Variants in ZNF565 observed in about 807,000 individuals in gnomAD.
The protein encoded by ZNF565 is zinc finger protein 565.
In ZNF565, 27 loss-of-function variants were observed where a neutral mutation model predicts 39.4. That is an observed-to-expected ratio of 0.69 (90% CI 0.51 to 0.95). The LOEUF (loss-of-function observed/expected upper bound fraction) is 0.95, where lower values mean the gene tolerates loss of function less well. ZNF565 is among the 40% of genes least tolerant of loss of function. The pLI, the probability that ZNF565 is intolerant of heterozygous loss-of-function variation, is 0.00. For missense variants in ZNF565, 524 were observed against 621.1 expected (o/e 0.84, Z 1.66); for synonymous variants, 185 against 216.6 (o/e 0.85, Z 1.28).
At chr19:36,243,655 G>A (rs2972536) in intron 1 of ZNF565, among the ~76,000 whole-genome samples, 100,019 of 151,740 alleles carry the variant, frequency 0.66, 33,010 homozygotes, top group Middle Eastern at 0.73. Context: ...CTTCCTTCCA[G>A]CCAGAGGAGT....
At chr19:36,240,440 AAC>A (rs1056264619) in intron 1 of ZNF565, among the ~76,000 whole-genome samples, 33 of 152,310 alleles carry the variant, frequency 2.2e-4, no homozygotes, top group East Asian at 1.4e-3. Context: ...CAGGAGGAAA[AAC>A]ACAGGGATGG....
chr19:36,231,018 T>C (rs1977336135), intron 1 of ZNF565, among the ~76,000 whole-genome samples: 1 of 152,052 alleles, frequency 6.6e-6, no homozygotes, highest in South Asian at 2.1e-4. Flanking sequence ...CTAGGGCTTA[T>C]ATGTATATAT....
At position 36,195,018 on chromosome 19, in the gene ZNF565, C is replaced by T; in HGVS notation, c.136+12G>A. 1 of 1,614,096 alleles carries T rather than the reference C, an allele frequency of 6.2e-7. No homozygotes were observed. The highest frequency in any genetic ancestry group is 8.5e-7 in the Non-Finnish European group (1 of 1,180,020). On this transcript the variant is annotated intron_variant, in intron 3 of 4. Coordinates refer to ENST00000304116, the MANE Select transcript of ZNF565 (RefSeq NM_152477.5). The stretch of plus-strand genomic sequence containing the variant: ...TGCTTTCCGTCTGGCCCGTGTGATA[C>T]AATCTCCTTACCTAGTGAGGCCAAG...
chr19:36,193,665 T>G (rs1270937508), intron 4 of ZNF565, among the ~76,000 whole-genome samples: 1 of 152,024 alleles, frequency 6.6e-6, no homozygotes, highest in African/African-American at 2.4e-5. Context: ...ATGGTCTCGA[T>G]CTCCTCACCT....
rs759913248 is a variant in ZNF565, at chr19:36,182,742, T to C, written c.1224A>G (p.Gln408=). ...KAFSRSSYLI[Q]HQRIHTGDKP... ...TGTCACCTGTATGAATTCTTTGATGTTGAATGAGGTATGAGCTACGACTAA... is the reference window on the plus strand; with the variant it reads ...TGTCACCTGTATGAATTCTTTGATGCTGAATGAGGTATGAGCTACGACTAA... The change falls in exon 5 of 5, where the codon CAA becomes CAG. Residue 408 remains glutamine, a synonymous_variant. Coordinates refer to ENST00000304116, the MANE Select transcript of ZNF565 (RefSeq NM_152477.5). The C allele has an allele frequency of 3.7e-6, 6 of 1,614,134 alleles. No individual in the cohort carries two copies. Among genetic ancestry groups the C allele is most frequent in the Middle Eastern group, 1.6e-4 (1 of 6,062 alleles).
chr19:36,213,689 ATTT>A (rs34943234), intron 1 of ZNF565, among the ~76,000 whole-genome samples: 7 of 133,276 alleles, frequency 5.3e-5, no homozygotes, highest in Non-Finnish European at 9.6e-5. Flanking sequence ...CCAGCCATTA[ATTT>A]TTTTTTTTTT....
chr19:36,206,533 A>G (rs1976162318), intron 1 of ZNF565, among the ~76,000 whole-genome samples: 1 of 151,942 alleles, frequency 6.6e-6, no homozygotes. Context: ...GATATTCCTA[A>G]TTATATGTCA....
intron 2 of ZNF565, among the ~76,000 whole-genome samples, chr19:36,201,772 G>A (rs868345459): frequency 3.9e-5 from 6 of 152,232 alleles, no homozygotes; most frequent in Middle Eastern, 3.4e-3. Context: ...ACTACGCCTA[G>A]CCTATGCTCT....
intron 1 of ZNF565, among the ~76,000 whole-genome samples, chr19:36,204,106 C>CGGT: frequency 6.6e-6 from 1 of 151,626 alleles, no homozygotes; most frequent in East Asian, 1.9e-4. Flanking sequence ...TGCACCACCA[C>CGGT]GCCTGGCTAA....
chr19:36,191,236 G>T (rs907658312), intron 4 of ZNF565, among the ~76,000 whole-genome samples: 2 of 150,526 alleles, frequency 1.3e-5, no homozygotes, highest in African/African-American at 4.9e-5. Flanking sequence ...AGTAAAAGAT[G>T]GTATGGTAAA....
intron 1 of ZNF565, among the ~76,000 whole-genome samples, chr19:36,219,764 TTTG>T (rs1027128189): frequency 4.6e-5 from 7 of 152,336 alleles, no homozygotes; most frequent in African/African-American, 1.2e-4. Flanking sequence ...TTCTGTTTTT[TTTG>T]TTGTTGTTGT....
chr19:36,198,605 A>ATT (rs199795939), intron 2 of ZNF565, among the ~76,000 whole-genome samples: 24 of 147,448 alleles, frequency 1.6e-4, no homozygotes, highest in Admixed American at 4.8e-4. Context: ...TTAATTGTAC[A>ATT]TTTTTTTTTT....
rs751706763 is a variant in ZNF565 at position 36,182,905 on chromosome 19, T to C, written c.1061A>G (p.Gln354Arg). 6.8e-6 allele frequency: 11 copies of C among 1,613,990 alleles called. No homozygotes were observed. Among genetic ancestry groups the C allele is most frequent in the Non-Finnish European group, 7.6e-6 (9 of 1,180,034 alleles). ...GGGTTTCTCCCCAGAATGAATTCTT[T>C]GATGTCGAGTAACTTCTGAGCTGTG... ...FIHSSEVTRH[Q>R]RIHSGEKPYE... Residue 354 changes from glutamine (Q) to arginine (R), a missense_variant, in exon 5 of 5, where the codon CAA (glutamine) becomes CGA (arginine). Physicochemically the swap from Gln to Arg is conservative, Grantham distance 43 (BLOSUM62 1). Transcript: ENST00000304116.
intron 1 of ZNF565, among the ~76,000 whole-genome samples, chr19:36,202,933 C>T (rs1014877065): frequency 6.6e-6 from 1 of 152,124 alleles, no homozygotes; most frequent in African/African-American, 2.4e-5. Flanking sequence ...TGCTTGCATA[C>T]CCGCACATCC....
chr19:36,240,998 G>A (rs1396972055), intron 1 of ZNF565, among the ~76,000 whole-genome samples: 1 of 152,162 alleles, frequency 6.6e-6, no homozygotes, highest in Non-Finnish European at 1.5e-5. Context: ...ATAACAAGAA[G>A]GCCCTTGCCA....
At chr19:36,198,296 A>C (rs1259598049) in intron 2 of ZNF565, among the ~76,000 whole-genome samples, 1 of 152,214 alleles carries the variant, frequency 6.6e-6, no homozygotes, top group Non-Finnish European at 1.5e-5. Context: ...ATAGAGTACT[A>C]TTTAGCCACA....
At chr19:36,232,035 T>A (rs1284143749) in intron 1 of ZNF565, among the ~76,000 whole-genome samples, 2 of 152,016 alleles carry the variant, frequency 1.3e-5, no homozygotes, top group Non-Finnish European at 2.9e-5. Flanking sequence ...AAACCCCGTT[T>A]CTATTAAAAA....
chr19:36,191,608 G>A (rs1460023275), intron 4 of ZNF565, among the ~76,000 whole-genome samples: 1 of 152,078 alleles, frequency 6.6e-6, no homozygotes, highest in Non-Finnish European at 1.5e-5. Flanking sequence ...AAGCCTGAAC[G>A]ATTCGAGCAA....
upstream of ZNF565, chr19:36,218,102 T>TTTTTTTG (rs1976688809): frequency 8.8e-6 from 1 of 113,436 alleles, no homozygotes; most frequent in Non-Finnish European, 1.9e-5. Flanking sequence ...AATTTTTTTT[T>TTTTTTTG]TTTTTTTTTT....
Sources: gnomAD v4.1 joint callset for allele counts (sites outside exome capture counted in the v4.1 genomes callset) on GRCh38, gnomAD v4.1.1 for gene constraint, MANE v1.5 for transcripts, NCBI Gene and HGNC (gene_info 2026-07-23, HGNC 2026-07-21) for gene names.